SCN11A: variants seen among roughly 807,000 people sequenced by gnomAD.
SCN11A encodes sodium voltage-gated channel alpha subunit 11.
Under a neutral mutation model 162.2 loss-of-function variants are expected in SCN11A, and 122 were observed. That is an observed-to-expected ratio of 0.75 (90% CI 0.65 to 0.87). The LOEUF (loss-of-function observed/expected upper bound fraction) is 0.87. SCN11A is among the 40% of genes least tolerant of loss of function. The pLI, the probability that SCN11A is intolerant of heterozygous loss-of-function variation, is 0.00. For synonymous variants in SCN11A, 758 were observed against 751.5 expected (o/e 1.01, Z -0.14); for missense variants, 2,015 against 2,181.6 (o/e 0.92, Z 1.52).
At chr3:38,866,511 C>T (rs778175793) in intron 27 of SCN11A, among the ~76,000 whole-genome samples, 8 of 152,200 alleles carry the variant, frequency 5.3e-5, no homozygotes, top group Non-Finnish European at 1.0e-4. Flanking sequence ...TGAGCCACCA[C>T]GCCCTGCCAG....
chr3:38,919,678 T>G (rs1423253626), intron 11 of SCN11A, among the ~76,000 whole-genome samples: 1 of 152,240 alleles, frequency 6.6e-6, no homozygotes, highest in Admixed American at 6.5e-5. Flanking sequence ...ACCTACTCCA[T>G]AAAGTTGAAA....
chr3:38,878,965 G>T (rs1368800390), intron 23 of SCN11A, among the ~76,000 whole-genome samples: 1 of 152,094 alleles, frequency 6.6e-6, no homozygotes, highest in Non-Finnish European at 1.5e-5. Context: ...GCCCTGGAGT[G>T]AGACTTACTA....
intron 7 of SCN11A, among the ~76,000 whole-genome samples, chr3:38,930,886 G>A (rs1002488553): frequency 6.6e-6 from 1 of 152,182 alleles, no homozygotes; most frequent in African/African-American, 2.4e-5. Flanking sequence ...TGCTTAAAGA[G>A]GGGTTTTCCT....
At chr3:39,047,134 T>C (rs1267202854) in intron 1 of SCN11A, among the ~76,000 whole-genome samples, 1 of 144,796 alleles carries the variant, frequency 6.9e-6, no homozygotes. Flanking sequence ...CTATTCACAA[T>C]TGTAGTATAC....
intron 11 of SCN11A, among the ~76,000 whole-genome samples, 168 bp from the exon 12 acceptor site, chr3:38,910,375 C>T (rs1391913992): frequency 1.3e-5 from 2 of 152,148 alleles, no homozygotes; most frequent in Non-Finnish European, 2.9e-5. Context: ...GACTCTTTTG[C>T]TAATGAACTG....
chr3:38,898,099 G>T (rs1272503794), intron 17 of SCN11A, among the ~76,000 whole-genome samples: 2 of 151,652 alleles, frequency 1.3e-5, no homozygotes, highest in African/African-American at 2.4e-5. Flanking sequence ...TTAGCCAGGC[G>T]TGGTGGTGTG....
chr3:38,891,972 C>T (rs192116550), intron 19 of SCN11A, among the ~76,000 whole-genome samples: 19 of 152,228 alleles, frequency 1.2e-4, no homozygotes, highest in Admixed American at 8.5e-4. Flanking sequence ...AGATCCACAC[C>T]TAGACATATC....
At position 38,904,046 on chromosome 3, in the gene SCN11A, T is replaced by C. The variant is rs1477561350; in HGVS notation, c.1661A>G (p.Tyr554Cys). Residue 554 changes from tyrosine (Y) to cysteine (C), a missense_variant, in exon 16 of 30, where the codon TAC becomes TGC. Physicochemically the swap from Tyr to Cys is radical, Grantham distance 194. Transcript: ENST00000302328. The stretch of plus-strand genomic sequence containing the variant: ...CTGGGGGCAACAGTTCCACACGAGG[T>C]ACTTGGATGCCAGGTTTTCTCCACA... ...LPCGENLASK[Y>C]LVWNCCPQWL... is the part of the protein sequence containing the mutation. 1.2e-6 allele frequency: 2 copies of C among 1,603,214 alleles called. No individual in the cohort carries two copies. Among genetic ancestry groups the C allele is most frequent in the African/African-American group, 1.3e-5 (1 of 74,264 alleles).
chr3:38,883,284 G>C lies in SCN11A; in HGVS notation c.3168C>G (p.Ser1056Arg), dbSNP rs1484796137. 1.2e-6 allele frequency: 2 copies of C among 1,613,842 alleles called. No individual in the cohort carries two copies. Among genetic ancestry groups the C allele is most frequent in the African/African-American group, 1.3e-5 (1 of 74,902 alleles). Reference protein sequence around the residue: ...RKTCYQIVKHSWFESFIIFVI... With the variant: ...RKTCYQIVKHRWFESFIIFVI... ...CAAAGATAATAAAGCTCTCAAACCA[G>C]CTGTGTTTCACTATTTGGTAGCAGG... Residue 1056 changes from serine (S) to arginine (R), a missense_variant, in exon 22 of 30, where the codon AGC becomes AGG. Physicochemically the swap from Ser to Arg is moderately radical, Grantham distance 110. Transcript: ENST00000302328.
At chr3:38,866,046 T>C (rs1402531121) in intron 27 of SCN11A, among the ~76,000 whole-genome samples, 2 of 152,168 alleles carry the variant, frequency 1.3e-5, no homozygotes, top group African/African-American at 4.8e-5. Context: ...GAATTTATGC[T>C]GAAGAAATAA....
chr3:39,044,918 A>AT (rs2032148721), intron 1 of SCN11A, among the ~76,000 whole-genome samples: 1 of 149,322 alleles, frequency 6.7e-6, no homozygotes, highest in Admixed American at 6.6e-5. Context: ...AGCTAGAGTA[A>AT]TTTTAAAAAA....
chr3:38,909,114 T>C lies in SCN11A; in HGVS notation c.1182A>G (p.Leu394=). The C allele has an allele frequency of 6.2e-7, 1 of 1,614,082 alleles. No individual in the cohort carries two copies. The highest frequency in any genetic ancestry group is 8.5e-7 in the Non-Finnish European group (1 of 1,180,010). The change falls in exon 13 of 30, where the codon TTA becomes TTG. Residue 394 remains leucine (L), a synonymous_variant. Transcript: ENST00000302328. ...ATGCCATGGTAACAACAGCCAGGGT[T>C]AAGTTAATCAGGTAGAAGGAGCCCA... ...IFLGSFYLIN[L]TLAVVTMAYE...
chr3:38,917,424 A>G (rs1471981238), intron 11 of SCN11A, among the ~76,000 whole-genome samples: 1 of 152,252 alleles, frequency 6.6e-6, no homozygotes, highest in Non-Finnish European at 1.5e-5. Context: ...TGAATGCCCA[A>G]CAATGACAGA....
At chr3:39,012,677 G>T (rs1218594878) in intron 2 of SCN11A, among the ~76,000 whole-genome samples, 2 of 152,096 alleles carry the variant, frequency 1.3e-5, no homozygotes, top group South Asian at 4.1e-4. Flanking sequence ...GTTTCACCAT[G>T]TTGGCCAGGC....
chr3:39,040,894 C>T (rs1371480403), intron 1 of SCN11A, among the ~76,000 whole-genome samples: 13 of 151,776 alleles, frequency 8.6e-5, no homozygotes, highest in Non-Finnish European at 1.3e-4. Context: ...CTGACTAACA[C>T]GGTGAAACCC....
intron 2 of SCN11A, among the ~76,000 whole-genome samples, chr3:38,993,869 T>G (rs908301547): frequency 6.6e-6 from 1 of 152,154 alleles, no homozygotes; most frequent in African/African-American, 2.4e-5. Context: ...GGGCTGCAAT[T>G]AACACCACTG....
intron 18 of SCN11A, among the ~76,000 whole-genome samples, chr3:38,896,000 A>C (rs1331940350): frequency 6.6e-6 from 1 of 152,224 alleles, no homozygotes. Flanking sequence ...AATGAAGTGC[A>C]CTTAATTAGC....
intron 2 of SCN11A, among the ~76,000 whole-genome samples, chr3:38,963,453 T>TATATATATATATATATGATGGAG (rs2066760295): frequency 9.1e-6 from 1 of 109,892 alleles, no homozygotes; most frequent in Non-Finnish European, 1.7e-5. Context: ...ATGATGGAGA[T>TATATATATATATATATGATGGAG]ATATATATAT....
rs746669717 is a variant in SCN11A at position 38,872,321 on chromosome 3, T to G, written c.3394-27A>C. ...TGATGGGAAGAGAGGCCACAGATAA[T>G]GTACCTGACTTGGTGTCCAGCTGGA... On this transcript the variant is annotated intron_variant, in intron 23 of 29. Transcript: ENST00000302328. 4.1e-6 allele frequency: 5 copies of G among 1,231,612 alleles called. No individual in the cohort carries two copies. In the Admixed American group the frequency reaches 6.8e-5, roughly 17 times the overall value. The allele number at this position is 1,231,612 out of a possible 1,614,324, so 76.3% of individuals were successfully genotyped here.
Sources: allele counts gnomAD v4.1 joint callset (sites outside exome capture counted in the v4.1 genomes callset), GRCh38; gene constraint gnomAD v4.1.1; transcripts MANE v1.5; gene names NCBI Gene and HGNC (gene_info 2026-07-23, HGNC 2026-07-21).